HDHD2: variants seen among roughly 807,000 people sequenced by gnomAD.
HDHD2 encodes the protein haloacid dehalogenase like hydrolase domain containing 2, also known as haloacid dehalogenase-like hydrolase domain-containing protein 2.
In HDHD2, 26 loss-of-function variants were observed where a neutral mutation model predicts 24.8. The ratio of observed to expected loss-of-function variants is 1.05; its 90% CI spans 0.77 to 1.45. The LOEUF (loss-of-function observed/expected upper bound fraction) is 1.45, where lower values mean the gene tolerates loss of function less well. Among genes scored for constraint, HDHD2 ranks in the 40% most tolerant of loss-of-function variants. The probability of loss-of-function intolerance (pLI) is 0.00; values close to 1 mark genes in which losing one functional copy is unlikely to be tolerated. For missense variants in HDHD2, 299 were observed against 313.4 expected (o/e 0.95, Z 0.35); for synonymous variants, 128 against 114.9 (o/e 1.11, Z -0.73).
intron 6 of HDHD2, chr18:47,111,517 C>G: frequency 1.0e-6 from 1 of 985,326 alleles, no homozygotes; most frequent in Non-Finnish European, 1.2e-6. Flanking sequence ...TGGAGGCTGA[C>G]GAGTGTGGCT....
rs1221280535 is a variant in HDHD2, at chr18:47,143,396, G to A, written c.-10-6947C>T. On this transcript the variant is annotated intron_variant, in intron 1 of 6. Coordinates refer to ENST00000300605, the MANE Select transcript of HDHD2 (RefSeq NM_032124.5). ...TGGGGCTGCAGTGGGCTATGACCAT[G>A]CAGTCAGGGCAACACAGTGAGACTA... Among the ~76,000 whole-genome samples the A allele has an allele frequency of 2.6e-5, 4 of 152,164 alleles. No individual in the cohort carries two copies. The East Asian group carries it at 7.7e-4, about 29-fold the overall frequency.
At chr18:47,127,945 G>A (rs2063675895) in intron 4 of HDHD2, among the ~76,000 whole-genome samples, 2 of 152,182 alleles carry the variant, frequency 1.3e-5, no homozygotes, top group South Asian at 4.1e-4. Flanking sequence ...AGCCTAAACA[G>A]TAATTTAACT....
intron 1 of HDHD2, among the ~76,000 whole-genome samples, chr18:47,148,819 T>C (rs577556383): frequency 6.6e-6 from 1 of 152,332 alleles, no homozygotes; most frequent in African/African-American, 2.4e-5. Flanking sequence ...CCTCTCTACT[T>C]TGCATCTCCT....
chr18:47,119,958 A>T (rs2063590182), intron 4 of HDHD2, among the ~76,000 whole-genome samples: 1 of 152,230 alleles, frequency 6.6e-6, no homozygotes, highest in Admixed American at 6.5e-5. Context: ...GTCCATGAGC[A>T]GTAATATTCT....
At chr18:47,141,267 A>T (rs2063817296) in intron 1 of HDHD2, among the ~76,000 whole-genome samples, 1 of 152,226 alleles carries the variant, frequency 6.6e-6, no homozygotes, top group Non-Finnish European at 1.5e-5. Context: ...ATGTTAAGAC[A>T]ATCTTGCACA....
At chr18:47,139,335 G>A (rs568091557) in intron 1 of HDHD2, among the ~76,000 whole-genome samples, 5 of 151,472 alleles carry the variant, frequency 3.3e-5, no homozygotes, top group African/African-American at 7.3e-5. Context: ...GCGTGGTGGC[G>A]GCGCGTGTAG....
intron 4 of HDHD2, among the ~76,000 whole-genome samples, chr18:47,119,068 G>A (rs756191169): frequency 5.3e-5 from 8 of 152,190 alleles, no homozygotes; most frequent in Non-Finnish European, 1.0e-4. Context: ...ATACTTTATT[G>A]CTGAAAAATG....
At chr18:47,136,565 T>C (rs2063768161) in intron 1 of HDHD2, 116 bp from the exon 2 acceptor site, 1 of 733,944 alleles carries the variant, frequency 1.4e-6, no homozygotes, top group Non-Finnish European at 2.0e-6. Flanking sequence ...AGTGTTAAGC[T>C]GCTTCCATTT....
intron 1 of HDHD2, among the ~76,000 whole-genome samples, chr18:47,138,146 T>C (rs1193877881): frequency 1.8e-5 from 2 of 112,338 alleles, no homozygotes; most frequent in African/African-American, 7.1e-5. Context: ...CACTCCAGCC[T>C]GGGCGATAGT....
chr18:47,114,041 G>A (rs60228288), intron 5 of HDHD2, among the ~76,000 whole-genome samples: 10,296 of 152,178 alleles, frequency 0.068, 428 homozygotes, highest in East Asian at 0.13. Context: ...CCCAGGGCCA[G>A]CAACTCCTGG....
chr18:47,133,916 T>C (rs769566030), intron 3 of HDHD2, among the ~76,000 whole-genome samples: 1 of 152,104 alleles, frequency 6.6e-6, no homozygotes, highest in Non-Finnish European at 1.5e-5. Flanking sequence ...TTTTCTCCCA[T>C]TCTGTAGGTT....
Position 47,108,608 on chromosome 18 carries a change from C to A in HDHD2, c.*74G>T. ...ACTGACTGGTGTCTACCGATGCTGGCACTGAGTTGGTAAGGGATTCATTCC... is the reference window on the plus strand; with the variant it reads ...ACTGACTGGTGTCTACCGATGCTGGAACTGAGTTGGTAAGGGATTCATTCC... On this transcript the variant is annotated 3_prime_UTR_variant, in exon 7 of 7. Coordinates refer to ENST00000300605, the MANE Select transcript of HDHD2 (RefSeq NM_032124.5). 1 of 770,472 alleles carries A rather than the reference C, an allele frequency of 1.3e-6. No individual in the cohort carries two copies. The highest frequency in any genetic ancestry group is 2.2e-6 in the Non-Finnish European group (1 of 449,322). The allele number at this position is 770,472 out of a possible 1,614,324, so 47.7% of individuals were successfully genotyped here.
intron 1 of HDHD2, among the ~76,000 whole-genome samples, chr18:47,139,948 G>C (rs1030025201): frequency 1.3e-5 from 2 of 152,094 alleles, no homozygotes; most frequent in African/African-American, 4.8e-5. Flanking sequence ...CCCAACTTAA[G>C]AACAGAACTA....
At chr18:47,132,760 A>C (rs2144346865) in intron 3 of HDHD2, among the ~76,000 whole-genome samples, 2 of 152,376 alleles carry the variant, frequency 1.3e-5, no homozygotes, top group Middle Eastern at 6.8e-3. Flanking sequence ...GCAATGTGGC[A>C]AAGCTTCATA....
In HDHD2 at chr18:47,114,406, T is replaced by G. The variant is rs529224797; in HGVS notation, c.612+726A>C. Among the ~76,000 whole-genome samples, 3 of 152,322 alleles carry G rather than the reference T, an allele frequency of 2.0e-5. No homozygotes were observed. The South Asian group carries it at 6.2e-4, about 32-fold the overall frequency. ...TTCCCAGTCTATAAAATGAGGAGTT[T>G]TGGACCAGACATTTGTGACGATCCC... On this transcript the variant is annotated intron_variant, in intron 5 of 6. Coordinates refer to ENST00000300605, the MANE Select transcript of HDHD2 (RefSeq NM_032124.5).
intron 1 of HDHD2, among the ~76,000 whole-genome samples, chr18:47,142,929 C>A (rs538826624): frequency 2.0e-5 from 3 of 152,186 alleles, no homozygotes; most frequent in South Asian, 4.2e-4. Flanking sequence ...AGGTTCAATG[C>A]GCCTGACAAA....
At chr18:47,137,739 C>T (rs936996002) in intron 1 of HDHD2, among the ~76,000 whole-genome samples, 1 of 151,844 alleles carries the variant, frequency 6.6e-6, no homozygotes. Flanking sequence ...AAACCAAAGA[C>T]AATTTTATAA....
At chr18:47,135,447 G>C (rs1301195425) in intron 2 of HDHD2, among the ~76,000 whole-genome samples, 2 of 151,974 alleles carry the variant, frequency 1.3e-5, no homozygotes, top group East Asian at 3.9e-4. Flanking sequence ...TTTTAGTAGA[G>C]ACGGTGTTTC....
At chr18:47,144,089 G>A (rs939810994) in intron 1 of HDHD2, among the ~76,000 whole-genome samples, 1 of 151,844 alleles carries the variant, frequency 6.6e-6, no homozygotes, top group African/African-American at 2.4e-5. Context: ...ACGTCTGCAC[G>A]CATGCGCATG....
Sources: allele counts gnomAD v4.1 joint callset (sites outside exome capture counted in the v4.1 genomes callset), GRCh38; gene constraint gnomAD v4.1.1; transcripts MANE v1.5; gene names NCBI Gene and HGNC (gene_info 2026-07-23, HGNC 2026-07-21).